Variants in ZNF385D observed in about 807,000 individuals in gnomAD.
ZNF385D encodes the protein zinc finger protein 385D.
In ZNF385D, 15 loss-of-function variants were observed where a neutral mutation model predicts 35.8. That is an observed-to-expected ratio of 0.42 (90% CI 0.28 to 0.64). The LOEUF is 0.64. ZNF385D is among the 30% of genes least tolerant of loss of function. The pLI, the probability that ZNF385D is intolerant of heterozygous loss-of-function variation, is 0.23. For missense variants in ZNF385D, 474 were observed against 494.6 expected (o/e 0.96, Z 0.39); for synonymous variants, 212 against 186.8 (o/e 1.13, Z -1.10).
chr3:21,692,897 T>C (rs140578006), intron 1 of ZNF385D, among the ~76,000 whole-genome samples: 1 of 152,192 alleles, frequency 6.6e-6, no homozygotes, highest in Non-Finnish European at 1.5e-5. Flanking sequence ...TTATTATCAT[T>C]ATCCAGACAT....
chr3:22,013,453 C>A (rs961904376), intron 3 of ZNF385D, among the ~76,000 whole-genome samples: 7 of 151,932 alleles, frequency 4.6e-5, no homozygotes, highest in African/African-American at 1.7e-4. Flanking sequence ...ATGTTTTGTA[C>A]TGTAAAATAT....
chr3:21,559,743 T>C (rs4505724), intron 3 of ZNF385D, among the ~76,000 whole-genome samples: 136,304 of 152,266 alleles, frequency 0.9, 61,205 homozygotes, highest in African/African-American at 0.96. Context: ...TGGATAATAT[T>C]CTGAAGAGTG....
At chr3:21,728,403 C>T (rs767409497) in intron 1 of ZNF385D, among the ~76,000 whole-genome samples, 1 of 151,940 alleles carries the variant, frequency 6.6e-6, no homozygotes, top group Non-Finnish European at 1.5e-5. Flanking sequence ...TAACGTTTTA[C>T]CAGAACACAG....
At chr3:21,551,736 T>C (rs1431469248) in intron 3 of ZNF385D, among the ~76,000 whole-genome samples, 3 of 152,138 alleles carry the variant, frequency 2.0e-5, no homozygotes, top group Non-Finnish European at 4.4e-5. Context: ...TTCATATGAA[T>C]GTCAGGAGAT....
chr3:21,774,974 T>A (rs11129021), intron 3 of ZNF385D, among the ~76,000 whole-genome samples: 1 of 151,600 alleles, frequency 6.6e-6, no homozygotes, highest in Non-Finnish European at 1.5e-5. Flanking sequence ...AAGCCCTGAC[T>A]TGTATCATTT....
At chr3:22,149,590 G>C (rs988905753) in intron 3 of ZNF385D, among the ~76,000 whole-genome samples, 1 of 152,114 alleles carries the variant, frequency 6.6e-6, no homozygotes. Context: ...TTAAAGCCAC[G>C]ACCATAGAGG....
chr3:22,214,074 A>C (rs2125266693), intron 2 of ZNF385D, among the ~76,000 whole-genome samples: 1 of 152,166 alleles, frequency 6.6e-6, no homozygotes, highest in Non-Finnish European at 1.5e-5. Flanking sequence ...AGGGACTTCG[A>C]ACGGAGGGAC....
chr3:21,675,393 T>A (rs1024334513), intron 1 of ZNF385D, among the ~76,000 whole-genome samples: 1 of 152,054 alleles, frequency 6.6e-6, no homozygotes, highest in Non-Finnish European at 1.5e-5. Flanking sequence ...TACTGGGTCC[T>A]CTGTAGGATA....
chr3:21,686,964 C>G (rs957293797), intron 1 of ZNF385D, among the ~76,000 whole-genome samples: 10 of 152,182 alleles, frequency 6.6e-5, no homozygotes, highest in African/African-American at 1.9e-4. Context: ...TGAGTTATCA[C>G]TGGCCTCATA....
intron 5 of ZNF385D, among the ~76,000 whole-genome samples, chr3:21,433,370 GGAAAAACAA>G (rs1231769693): frequency 3.9e-5 from 6 of 152,094 alleles, no homozygotes; most frequent in African/African-American, 1.4e-4. Context: ...TTTCTAAAGG[GGAAAAACAA>G]GAAAAACAAT....
At chr3:21,966,763 G>A (rs1049407245) in intron 3 of ZNF385D, among the ~76,000 whole-genome samples, 3 of 152,172 alleles carry the variant, frequency 2.0e-5, no homozygotes, top group Non-Finnish European at 2.9e-5. Flanking sequence ...TGTATTTTTA[G>A]TAGAGATGGA....
At chr3:21,818,361 C>T (rs1575709761) in intron 3 of ZNF385D, among the ~76,000 whole-genome samples, 1 of 152,118 alleles carries the variant, frequency 6.6e-6, no homozygotes, top group African/African-American at 2.4e-5. Flanking sequence ...GACCTATTGA[C>T]TAAATGCCAT....
chr3:21,898,447 G>A (rs1497936), intron 3 of ZNF385D, among the ~76,000 whole-genome samples: 7,067 of 152,138 alleles, frequency 0.046, 688 homozygotes, highest in Admixed American at 0.23. Context: ...TGTTGTTCAT[G>A]CAGAAACTAC....
intron 3 of ZNF385D, among the ~76,000 whole-genome samples, chr3:21,808,682 C>A (rs145022492): frequency 6.6e-5 from 10 of 152,186 alleles, no homozygotes; most frequent in African/African-American, 2.4e-4. Flanking sequence ...CTTTTCCCAA[C>A]TAGAGAGTAG....
chr3:21,668,291 A>G (rs2066465791), intron 1 of ZNF385D, among the ~76,000 whole-genome samples: 1 of 152,158 alleles, frequency 6.6e-6, no homozygotes, highest in Admixed American at 6.5e-5. Context: ...GCAGGAGTTT[A>G]CTGGCTTTGC....
chr3:21,922,951 CCT>C (rs1328750949), intron 3 of ZNF385D, among the ~76,000 whole-genome samples: 5 of 152,074 alleles, frequency 3.3e-5, no homozygotes, highest in Non-Finnish European at 7.4e-5. Context: ...AACAAATTGC[CCT>C]GTTTGAAAAA....
intron 2 of ZNF385D, among the ~76,000 whole-genome samples, chr3:21,594,286 G>T (rs1400348275): frequency 1.3e-5 from 2 of 152,170 alleles, no homozygotes; most frequent in Non-Finnish European, 2.9e-5. Context: ...CTAGCTAATA[G>T]ATGGGGTCTG....
chr3:21,710,075 A>G (rs892640298), intron 1 of ZNF385D, among the ~76,000 whole-genome samples: 1 of 152,178 alleles, frequency 6.6e-6, no homozygotes, highest in Non-Finnish European at 1.5e-5. Flanking sequence ...CAATTACACG[A>G]CCTTTTAGAA....
chr3:22,202,397 A>C (rs1377904605), intron 2 of ZNF385D, among the ~76,000 whole-genome samples: 1 of 152,122 alleles, frequency 6.6e-6, no homozygotes, highest in Non-Finnish European at 1.5e-5. Context: ...AAATACTAGC[A>C]TAATCTCCTG....
Sources: gnomAD v4.1 joint callset for allele counts (sites outside exome capture counted in the v4.1 genomes callset) on GRCh38, gnomAD v4.1.1 for gene constraint, MANE v1.5 for transcripts, NCBI Gene and HGNC (gene_info 2026-07-23, HGNC 2026-07-21) for gene names.